PCDH15: variants seen among roughly 807,000 people sequenced by gnomAD.
The protein encoded by PCDH15 is protocadherin-15.
PCDH15 carries 129 observed loss-of-function variants against 178.5 expected under a neutral mutation model. The ratio of observed to expected loss-of-function variants is 0.72; its 90% confidence interval spans 0.63 to 0.84. PCDH15 has a LOEUF of 0.84. PCDH15 is among the 40% of genes least tolerant of loss of function. The pLI, the probability that PCDH15 is intolerant of heterozygous loss-of-function variation, is 0.00. For synonymous variants in PCDH15, 800 were observed against 732.0 expected (o/e 1.09, Z -1.50); for missense variants, 2,230 against 2,099.9 (o/e 1.06, Z -1.21).
At chr10:55,489,247 T>C (rs1027953578) in intron 2 of PCDH15, among the ~76,000 whole-genome samples, 6 of 151,530 alleles carry the variant, frequency 4.0e-5, no homozygotes, top group African/African-American at 1.2e-4. Context: ...CTAAAAATTG[T>C]CATTTAAATA....
chr10:54,604,245 A>G (rs112239560), intron 2 of PCDH15, among the ~76,000 whole-genome samples: 2,110 of 151,994 alleles, frequency 0.014, 45 homozygotes, highest in African/African-American at 0.048. Flanking sequence ...AAGAATGTAC[A>G]ATCTTCTGTT....
At chr10:54,926,246 C>T (rs1837623065) in intron 2 of PCDH15, among the ~76,000 whole-genome samples, 1 of 152,134 alleles carries the variant, frequency 6.6e-6, no homozygotes, top group Middle Eastern at 3.4e-3. Flanking sequence ...TAATGACTTA[C>T]ATGTATTGAT....
chr10:55,450,955 C>CTATATATATATATATATATATATATATA (rs56986885), intron 2 of PCDH15, among the ~76,000 whole-genome samples: 11 of 122,324 alleles, frequency 9.0e-5, no homozygotes, highest in African/African-American at 3.0e-4. Flanking sequence ...GGGGTAAGAA[C>CTATATATATATATATATATATATATATA]TATATATATA....
chr10:55,242,533 G>A (rs976217118), intron 1 of PCDH15, among the ~76,000 whole-genome samples: 4 of 152,068 alleles, frequency 2.6e-5, no homozygotes, highest in Non-Finnish European at 5.9e-5. Context: ...TCATTTAAAT[G>A]AGAAGATAAA....
At chr10:54,235,556 C>A (rs1454270202) in intron 9 of PCDH15, among the ~76,000 whole-genome samples, 2 of 152,180 alleles carry the variant, frequency 1.3e-5, no homozygotes, top group Non-Finnish European at 2.9e-5. Context: ...GCTAAAATGA[C>A]ACTTCCTAAG....
At chr10:54,671,812 C>T (rs527357838) in intron 1 of PCDH15, among the ~76,000 whole-genome samples, 42 of 152,164 alleles carry the variant, frequency 2.8e-4, no homozygotes, top group African/African-American at 9.6e-4. Flanking sequence ...TAAAGTAGCT[C>T]ATAATGAATC....
intron 3 of PCDH15, among the ~76,000 whole-genome samples, chr10:54,836,296 G>A (rs1448221556): frequency 6.6e-6 from 1 of 152,104 alleles, no homozygotes; most frequent in South Asian, 2.1e-4. Context: ...ATTCCTGACT[G>A]GAGTAAAATA....
intron 1 of PCDH15, among the ~76,000 whole-genome samples, chr10:55,275,242 A>G (rs1226081520): frequency 6.6e-6 from 1 of 152,044 alleles, no homozygotes; most frequent in Non-Finnish European, 1.5e-5. Flanking sequence ...TTCATCAATC[A>G]TAACTTTTGC....
intron 8 of PCDH15, among the ~76,000 whole-genome samples, chr10:54,279,433 C>T (rs1478209659): frequency 6.6e-6 from 1 of 151,598 alleles, no homozygotes; most frequent in African/African-American, 2.4e-5. Flanking sequence ...AATTAAATAA[C>T]TTTGGAAACT....
intron 2 of PCDH15, among the ~76,000 whole-genome samples, chr10:55,349,645 A>G (rs1844857812): frequency 6.6e-6 from 1 of 152,176 alleles, no homozygotes; most frequent in South Asian, 2.1e-4. Context: ...TACTATGAAA[A>G]TAGTACATTA....
At chr10:54,953,012 T>A (rs963389887) in intron 2 of PCDH15, among the ~76,000 whole-genome samples, 1 of 151,646 alleles carries the variant, frequency 6.6e-6, no homozygotes, top group African/African-American at 2.4e-5. Context: ...ATTAGTTAAG[T>A]GTACCAGTAG....
intron 1 of PCDH15, among the ~76,000 whole-genome samples, chr10:54,797,249 C>T (rs1163015374): frequency 6.6e-6 from 1 of 151,998 alleles, no homozygotes. Context: ...ATTTCTTATC[C>T]ATCAAGGAAC....
At chr10:54,902,153 T>C (rs538741135) in intron 2 of PCDH15, among the ~76,000 whole-genome samples, 1 of 152,226 alleles carries the variant, frequency 6.6e-6, no homozygotes, top group African/African-American at 2.4e-5. Context: ...TTATTTTATA[T>C]CTTGATATTA....
At chr10:54,364,613 T>A (rs940471983) in intron 5 of PCDH15, among the ~76,000 whole-genome samples, 8 of 152,028 alleles carry the variant, frequency 5.3e-5, no homozygotes, top group Non-Finnish European at 1.0e-4. Flanking sequence ...GTTTCCTTGC[T>A]TTTTTTTCTT....
chr10:54,927,793 T>C (rs1336588646), intron 2 of PCDH15, among the ~76,000 whole-genome samples: 2 of 152,150 alleles, frequency 1.3e-5, no homozygotes, highest in Non-Finnish European at 2.9e-5. Flanking sequence ...GCTTGGTAGA[T>C]ATTTTTTCAT....
intron 2 of PCDH15, among the ~76,000 whole-genome samples, chr10:55,065,514 T>A (rs190726071): frequency 8.5e-5 from 13 of 152,156 alleles, no homozygotes; most frequent in African/African-American, 3.1e-4. Context: ...AAACACATAC[T>A]GTTGGCTTAA....
chr10:55,443,956 A>T (rs1045819884), intron 2 of PCDH15, among the ~76,000 whole-genome samples: 2 of 152,180 alleles, frequency 1.3e-5, no homozygotes, highest in Non-Finnish European at 1.5e-5. Flanking sequence ...ATGCAGCCAT[A>T]AAAAAGAATG....
chr10:53,891,145 A>G lies in PCDH15; in HGVS notation c.3501+12098T>C, dbSNP rs139445745. Among the ~76,000 whole-genome samples the G allele has an allele frequency of 6.5e-3, 538 of 82,284 alleles. 2 individuals are homozygous for G. Among genetic ancestry groups the G allele is most frequent in the African/African-American group, 0.018 (526 of 28,898 alleles). The allele number at this position is 82,284 out of a possible 152,430, so 54.0% of individuals were successfully genotyped here. On this transcript the variant is annotated intron_variant, in intron 26 of 37. Coordinates refer to ENST00000644397, the MANE Select transcript of PCDH15 (RefSeq NM_001384140.1). ...CTCCTGTGTCAGGTCAGTACAGCAC[A>G]AAGTTAATGGAGGTTCAAGACATTA...
chr10:53,840,173 C>A, intron 29 of PCDH15, 147 bp downstream of exon 29: 1 of 910,630 alleles, frequency 1.1e-6, no homozygotes. Flanking sequence ...CATGAGAATC[C>A]TAGGTATTTC....
Sources: allele counts gnomAD v4.1 joint callset (sites outside exome capture counted in the v4.1 genomes callset), GRCh38; gene constraint gnomAD v4.1.1; transcripts MANE v1.5; gene names NCBI Gene and HGNC (gene_info 2026-07-23, HGNC 2026-07-21).